The following MARCHF8 variants were observed in gnomAD, a reference collection of about 807,000 sequenced individuals.
MARCHF8 encodes E3 ubiquitin-protein ligase MARCHF8.
MARCHF8 carries 40 observed loss-of-function variants against 51.6 expected under a neutral mutation model. That is an observed-to-expected ratio of 0.77 (90% CI 0.60 to 1.01). The LOEUF (loss-of-function observed/expected upper bound fraction) is 1.01. Among genes scored for constraint, MARCHF8 ranks in the 50% least tolerant of loss-of-function variants. The pLI is 0.00. For missense variants in MARCHF8, 685 were observed against 708.6 expected (o/e 0.97, Z 0.38); for synonymous variants, 263 against 280.3 (o/e 0.94, Z 0.62).
intron 2 of MARCHF8, among the ~76,000 whole-genome samples, chr10:45,513,299 T>C (rs1227060781): frequency 1.3e-5 from 2 of 152,234 alleles, no homozygotes; most frequent in South Asian, 2.1e-4. Flanking sequence ...TATGAGCAAG[T>C]AACCTTTCTA....
intron 2 of MARCHF8, among the ~76,000 whole-genome samples, chr10:45,512,622 G>A (rs577178727): frequency 2.3e-3 from 350 of 150,218 alleles, no homozygotes; most frequent in African/African-American, 7.9e-3. Flanking sequence ...CCCCCCGCCC[G>A]GCCAGCCGCC....
rs757231306 is a variant in MARCHF8, at chr10:45,461,375, CA to C, written c.1124del (p.Leu375ArgfsTer44). ...CHCEGDDESP[L>X]ITPCHCTGSL... The stretch of plus-strand genomic sequence containing the variant: ...TTCCTGTGCAGTGGCAGGGGGTGAT[CA>C]GGGGGCTCTCATCATCTCCTTCACA... On this transcript the variant is annotated frameshift_variant, in exon 6 of 8. Transcript: ENST00000453424. LOFTEE classifies it high-confidence loss of function. 12 of 1,596,144 alleles carry C rather than the reference CA, an allele frequency of 7.5e-6. No individual in the cohort carries two copies. Among genetic ancestry groups the C allele is most frequent in the African/African-American group, 1.4e-5 (1 of 73,724 alleles).
At chr10:45,579,933 A>C in intron 1 of MARCHF8, among the ~76,000 whole-genome samples, 1 of 146,206 alleles carries the variant, frequency 6.8e-6, no homozygotes, top group African/African-American at 2.6e-5. Flanking sequence ...GAATTGCTTG[A>C]ACTCGGGAGG....
chr10:45,498,816 A>G (rs1372855810), intron 2 of MARCHF8, among the ~76,000 whole-genome samples: 1 of 152,206 alleles, frequency 6.6e-6, no homozygotes, highest in Non-Finnish European at 1.5e-5. Context: ...AACTATATGC[A>G]ATAAATGTAC....
At chr10:45,541,356 T>C (rs1424705487) in intron 1 of MARCHF8, among the ~76,000 whole-genome samples, 1 of 151,682 alleles carries the variant, frequency 6.6e-6, no homozygotes, top group Non-Finnish European at 1.5e-5. Context: ...CACTCATAGG[T>C]GGGAATTGAA....
intron 2 of MARCHF8, among the ~76,000 whole-genome samples, chr10:45,508,627 A>G (rs1176030144): frequency 2.0e-5 from 3 of 152,200 alleles, no homozygotes; most frequent in African/African-American, 4.8e-5. Flanking sequence ...TTTCATTAAT[A>G]TACAGAAGCT....
chr10:45,591,404 C>G (rs539552101), intron 1 of MARCHF8, among the ~76,000 whole-genome samples: 13 of 151,836 alleles, frequency 8.6e-5, no homozygotes, highest in African/African-American at 2.7e-4. Context: ...GGCAGAGTTG[C>G]AGTGAGCCAA....
At chr10:45,496,287 T>C (rs2043173872) in intron 2 of MARCHF8, among the ~76,000 whole-genome samples, 1 of 152,138 alleles carries the variant, frequency 6.6e-6, no homozygotes, top group Non-Finnish European at 1.5e-5. Flanking sequence ...CTTTCTTAAA[T>C]AATTTAAAAA....
At chr10:45,474,095 C>G (rs1014548263) in intron 3 of MARCHF8, among the ~76,000 whole-genome samples, 1 of 152,202 alleles carries the variant, frequency 6.6e-6, no homozygotes, top group Non-Finnish European at 1.5e-5. Flanking sequence ...GTACTTCCCT[C>G]TGCTGTTTGG....
At chr10:45,573,271 C>T (rs1443993993) in intron 1 of MARCHF8, among the ~76,000 whole-genome samples, 1 of 152,136 alleles carries the variant, frequency 6.6e-6, no homozygotes, top group Non-Finnish European at 1.5e-5. Flanking sequence ...TAAATTCCGG[C>T]CCTCAAACCC....
intron 2 of MARCHF8, among the ~76,000 whole-genome samples, chr10:45,531,634 C>T (rs139861134): frequency 1.3e-5 from 2 of 152,302 alleles, no homozygotes; most frequent in East Asian, 3.9e-4. Context: ...AATTCATATT[C>T]ACTCATTCAT....
intron 2 of MARCHF8, among the ~76,000 whole-genome samples, chr10:45,529,182 A>G (rs1028382305): frequency 2.6e-5 from 4 of 152,228 alleles, no homozygotes; most frequent in East Asian, 1.9e-4. Context: ...GATCTTCTTC[A>G]AAGTCAACAA....
chr10:45,486,515 G>T (rs2042981514), intron 3 of MARCHF8, among the ~76,000 whole-genome samples: 1 of 152,130 alleles, frequency 6.6e-6, no homozygotes, highest in African/African-American at 2.4e-5. Flanking sequence ...AGTGAGCCAA[G>T]ATTGCACCAC....
chr10:45,465,511 A>AC (rs530363310), intron 3 of MARCHF8, among the ~76,000 whole-genome samples: 16 of 152,136 alleles, frequency 1.1e-4, no homozygotes, highest in African/African-American at 3.9e-4. Context: ...CACCTTTGGG[A>AC]CCCCCGACCC....
intron 1 of MARCHF8, among the ~76,000 whole-genome samples, chr10:45,555,688 G>A (rs910976681): frequency 6.7e-6 from 1 of 149,284 alleles, no homozygotes; most frequent in African/African-American, 2.5e-5. Flanking sequence ...AGGCTGCAAT[G>A]AGCCATGATT....
At chr10:45,520,494 C>T (rs17157884) in intron 2 of MARCHF8, among the ~76,000 whole-genome samples, 9,390 of 152,220 alleles carry the variant, frequency 0.062, 333 homozygotes, top group Non-Finnish European at 0.066. Context: ...CCAGGATAAA[C>T]TGTACAAAGG....
At chr10:45,485,802 T>C (rs1012168657) in intron 3 of MARCHF8, among the ~76,000 whole-genome samples, 1 of 152,090 alleles carries the variant, frequency 6.6e-6, no homozygotes, top group African/African-American at 2.4e-5. Flanking sequence ...GGTCTAAAAG[T>C]CAGCAGAAAG....
chr10:45,533,605 A>T (rs1157491159), intron 1 of MARCHF8, among the ~76,000 whole-genome samples: 2 of 151,928 alleles, frequency 1.3e-5, no homozygotes, highest in Non-Finnish European at 2.9e-5. Context: ...TTTTGAAGTT[A>T]AACTTTTTTT....
intron 1 of MARCHF8, among the ~76,000 whole-genome samples, chr10:45,578,556 G>A (rs1007085591): frequency 6.6e-6 from 1 of 152,154 alleles, no homozygotes; most frequent in Non-Finnish European, 1.5e-5. Flanking sequence ...GTCATCACTG[G>A]ACGCTAAAAC....
Sources: gnomAD v4.1 joint callset for allele counts (sites outside exome capture counted in the v4.1 genomes callset) on GRCh38, gnomAD v4.1.1 for gene constraint, MANE v1.5 for transcripts, NCBI Gene and HGNC (gene_info 2026-07-23, HGNC 2026-07-21) for gene names.